Variants in CEP250 observed in about 807,000 individuals in gnomAD.
CEP250 encodes centrosomal protein 250, also known as centrosome-associated protein CEP250.
CEP250 carries 242 observed loss-of-function variants against 315.7 expected under a neutral mutation model. The observed-to-expected ratio is 0.77, with a 90% confidence interval of 0.69 to 0.85. The LOEUF (loss-of-function observed/expected upper bound fraction) is 0.85. CEP250 is among the 40% of genes least tolerant of loss of function. The probability of loss-of-function intolerance (pLI) is 0.00; values close to 1 mark genes in which losing one functional copy is unlikely to be tolerated. For synonymous variants in CEP250, 1,088 were observed against 1,175.0 expected (o/e 0.93, Z 1.51); for missense variants, 2,515 against 2,886.4 (o/e 0.87, Z 2.95).
At position 35,503,961 on chromosome 20, in the gene CEP250, C is replaced by T; in HGVS notation, c.5592C>T (p.His1864=). Residue 1864 remains histidine, a synonymous_variant, in exon 30 of 35, where the codon CAC becomes CAT. Transcript: ENST00000397527. The surrounding 1 kb of genome is among the most constrained non-coding windows in gnomAD (Gnocchi z 4.2). ...LKERHGELQD[H]KEQARRLEEE... Reference sequence around the variant, plus strand: ...AGCGTCATGGAGAGCTTCAGGACCACAAGGAACAGGCACGAAGGCTGGAGG... The same window carrying T: ...AGCGTCATGGAGAGCTTCAGGACCATAAGGAACAGGCACGAAGGCTGGAGG... The T allele has an allele frequency of 6.2e-7, 1 of 1,612,612 alleles. No homozygotes were observed. Among genetic ancestry groups the T allele is most frequent in the South Asian group, 1.1e-5 (1 of 90,934 alleles).
Position 35,479,637 on chromosome 20 carries a change from AC to A in CEP250, c.2289-7del, listed in dbSNP as rs372597202. On this transcript the variant is annotated splice_region_variant and splice_polypyrimidine_tract_variant and intron_variant, in intron 18 of 34. Transcript: ENST00000397527. ...GGTAAGAAACTCTTCTGATTCCTGAACCTCACAGCTCAGCCAAGGAGCTACT... is the reference window on the plus strand; with the variant it reads ...GGTAAGAAACTCTTCTGATTCCTGAACTCACAGCTCAGCCAAGGAGCTACT... 9.3e-6 allele frequency: 15 copies of A among 1,613,804 alleles called. No individual in the cohort carries two copies. The African/African-American group carries it at 9.3e-5, about 10-fold the overall frequency.
chr20:35,475,913 C>T (rs1161839679), intron 15 of CEP250, among the ~76,000 whole-genome samples: 1 of 152,130 alleles, frequency 6.6e-6, no homozygotes, highest in Non-Finnish European at 1.5e-5. Flanking sequence ...TGTCATGTGC[C>T]TCAAAGTGTG....
At chr20:35,462,624 G>T in intron 4 of CEP250, 71 bp downstream of exon 4, 4 of 1,345,908 alleles carry the variant, frequency 3.0e-6, no homozygotes, top group South Asian at 2.8e-5. Flanking sequence ...GTGAGATAAG[G>T]GTTGCAGGAG....
At chr20:35,494,852 G>A (rs1009706020) in intron 24 of CEP250, among the ~76,000 whole-genome samples, 195 bp downstream of exon 24, 10 of 152,288 alleles carry the variant, frequency 6.6e-5, no homozygotes, top group Admixed American at 5.9e-4. Flanking sequence ...TTTCGTGAAC[G>A]CCTGTTATGC....
chr20:35,508,142 G>A lies in CEP250; in HGVS notation c.6858G>A (p.Arg2286=), dbSNP rs749079242. ...CAGTGGCCCGGCTGGAGATTGACAGGAGCAGGCTGCAGCGCCACAATGTCC... is the reference window on the plus strand; with the variant it reads ...CAGTGGCCCGGCTGGAGATTGACAGAAGCAGGCTGCAGCGCCACAATGTCC... ...QQAVARLEID[R]SRLQRHNVQL... is the part of the protein sequence containing the mutation. The change falls in exon 32 of 35, where the codon AGG becomes AGA. Residue 2286 remains arginine, a synonymous_variant. Transcript: ENST00000397527. The A allele has an allele frequency of 6.2e-6, 10 of 1,613,976 alleles. No individual in the cohort carries two copies. The highest frequency in any genetic ancestry group is 1.6e-4 in the Middle Eastern group (1 of 6,084).
At position 35,506,929 on chromosome 20, in the gene CEP250, C is replaced by T. The variant is rs542148153; in HGVS notation, c.6637-809C>T. 2.0e-5 allele frequency among the ~76,000 whole-genome samples: 3 copies of T among 152,262 alleles called. No individual in the cohort carries two copies. The East Asian group carries it at 5.8e-4, about 29-fold the overall frequency. On this transcript the variant is annotated intron_variant, in intron 30 of 34. Coordinates refer to ENST00000397527, the MANE Select transcript of CEP250 (RefSeq NM_007186.6). ...TGTAATTGGGCAGGAGGGCACTTCC[C>T]ACCCATACTCTTGGGTTACTGAGCA...
intron 32 of CEP250, 80 bp downstream of exon 32, chr20:35,508,270 C>A: frequency 1.4e-6 from 2 of 1,456,580 alleles, no homozygotes; most frequent in Non-Finnish European, 9.4e-7. Context: ...TAAATTACAG[C>A]CTGTGGGCCA....
At chr20:35,508,874 G>C in intron 32 of CEP250, 69 bp from the exon 33 acceptor site, 1 of 1,329,908 alleles carries the variant, frequency 7.5e-7, no homozygotes, top group Non-Finnish European at 1.0e-6. Flanking sequence ...GGCCACCTCT[G>C]GAGAAAGGCA....
Position 35,504,606 on chromosome 20 carries a change from T to C in CEP250, c.6237T>C (p.Asn2079=). Residue 2079 remains asparagine, a synonymous_variant, in exon 30 of 35, where the codon AAT becomes AAC. Coordinates refer to ENST00000397527, the MANE Select transcript of CEP250 (RefSeq NM_007186.6). ...VQENMIQEKQ[N]LGQEREEEEI... ...AGAATATGATCCAAGAGAAGCAGAA[T>C]CTGGGGCAAGAGAGAGAAGAGGAGG... 2 of 1,614,070 alleles carry C rather than the reference T, an allele frequency of 1.2e-6. No individual in the cohort carries two copies.
chr20:35,507,213 C>T (rs899031111), intron 30 of CEP250, among the ~76,000 whole-genome samples: 4 of 152,192 alleles, frequency 2.6e-5, no homozygotes, highest in African/African-American at 9.7e-5. Context: ...AACCACAGGG[C>T]ACCTAGAAAG....
chr20:35,472,684 A>G lies in CEP250; in HGVS notation c.1062A>G (p.Glu354=), dbSNP rs116735629. The G allele has an allele frequency of 2.2e-5, 35 of 1,614,186 alleles. No individual in the cohort carries two copies. In the East Asian group the frequency reaches 7.4e-4, roughly 34 times the overall value. ...GTATTGGGTTTCAGGTCATGGTGGA[A>G]GAAGGGGACAATATAGCCCAAGGCT... ...VIKDITQVMV[E]EGDNIAQGSG... Residue 354 remains glutamate, a synonymous_variant, in exon 12 of 35, where the codon GAA becomes GAG. Coordinates refer to ENST00000397527, the MANE Select transcript of CEP250 (RefSeq NM_007186.6).
In CEP250 at chr20:35,473,359, G is replaced by GCT; in HGVS notation, c.1210-7_1210-6dup. The GCT allele has an allele frequency of 6.3e-7, 1 of 1,599,960 alleles. No individual in the cohort carries two copies. Among genetic ancestry groups the GCT allele is most frequent in the Non-Finnish European group, 8.5e-7 (1 of 1,172,186 alleles). On this transcript the variant is annotated splice_polypyrimidine_tract_variant and intron_variant, in intron 12 of 34. Coordinates refer to ENST00000397527, the MANE Select transcript of CEP250 (RefSeq NM_007186.6). The stretch of plus-strand genomic sequence containing the variant: ...CCTTGTTCATCATCTGGTTTCTCTT[G>GCT]CTCTCTCTCCACAGGACCTAAGGCA...
intron 20 of CEP250, among the ~76,000 whole-genome samples, chr20:35,490,380 T>C (rs1365327137): frequency 6.6e-6 from 1 of 152,132 alleles, no homozygotes; most frequent in Non-Finnish European, 1.5e-5. Flanking sequence ...AAGGGACAAT[T>C]GCAGTTTGGA....
At chr20:35,472,434 T>C (rs1293919215) in intron 11 of CEP250, among the ~76,000 whole-genome samples, 3 of 152,210 alleles carry the variant, frequency 2.0e-5, no homozygotes, top group Non-Finnish European at 4.4e-5. Context: ...CTTCTTTCAT[T>C]TCCTCATTTA....
Position 35,517,170 on chromosome 20 carries a change from C to T in CEP250, c.*5544C>T. On this transcript the variant is annotated 3_prime_UTR_variant, in exon 35 of 35. Coordinates refer to ENST00000397527, the MANE Select transcript of CEP250 (RefSeq NM_007186.6). The stretch of plus-strand genomic sequence containing the variant: ...TGGACCTATTCAGTCCTCAAGGGTG[C>T]CCTGCTAAAGGCTGGGCTGAAAGCT... 1 of 263,920 alleles carries T rather than the reference C, an allele frequency of 3.8e-6. No individual in the cohort carries two copies. Among genetic ancestry groups the T allele is most frequent in the Non-Finnish European group, 5.9e-6 (1 of 169,964 alleles). 16.3% of individuals were successfully genotyped at this position (263,920 alleles called of 1,614,324 possible).
chr20:35,507,914 C>T, intron 31 of CEP250, 63 bp downstream of exon 31: 2 of 1,597,770 alleles, frequency 1.3e-6, no homozygotes, highest in African/African-American at 1.3e-5. Context: ...GGGGTTTGTC[C>T]CCTTCCCTTG....
intron 20 of CEP250, among the ~76,000 whole-genome samples, chr20:35,483,632 A>G (rs1346013791): frequency 6.6e-6 from 1 of 151,714 alleles, no homozygotes; most frequent in Non-Finnish European, 1.5e-5. Context: ...AGCCTCCCAC[A>G]TAAGCTGGGA....
intron 28 of CEP250, 87 bp downstream of exon 28, chr20:35,500,256 ACT>A: frequency 6.7e-7 from 1 of 1,497,032 alleles, no homozygotes; most frequent in Non-Finnish European, 9.1e-7. Flanking sequence ...CCTAGCAGCC[ACT>A]CTGTTTATTT....
In CEP250 at chr20:35,478,026, G is replaced by A; in HGVS notation, c.2019G>A (p.Glu673=). ...HLEAQLQKAE[E]AGAELQADLR... ...AGGCTCAGCTGCAGAAAGCTGAGGA[G>A]GCTGGGGCTGAGCTGCAGGCAGATC... Residue 673 remains glutamate (E), a synonymous_variant, in exon 17 of 35, where the codon GAG becomes GAA. Transcript: ENST00000397527. The A allele has an allele frequency of 1.2e-6, 2 of 1,614,154 alleles. No homozygotes were observed. Among genetic ancestry groups the A allele is most frequent in the South Asian group, 2.2e-5 (2 of 91,062 alleles).
Sources: allele counts gnomAD v4.1 joint callset (sites outside exome capture counted in the v4.1 genomes callset), GRCh38; gene constraint gnomAD v4.1.1; non-coding constraint Gnocchi (gnomAD v3.1); transcripts MANE v1.5; gene names NCBI Gene and HGNC (gene_info 2026-07-23, HGNC 2026-07-21).